ZDHHC14: variants seen among roughly 807,000 people sequenced by gnomAD.
ZDHHC14 encodes zDHHC palmitoyltransferase 14, also known as palmitoyltransferase ZDHHC14.
A neutral mutation model predicts 47.7 loss-of-function variants in ZDHHC14; 16 were observed. That is an observed-to-expected ratio of 0.34 (90% CI 0.23 to 0.51). ZDHHC14 has a LOEUF of 0.51. ZDHHC14 is among the 20% of genes least tolerant of loss of function. ZDHHC14 has a pLI of 0.97. For synonymous variants in ZDHHC14, 293 were observed against 278.9 expected (o/e 1.05, Z -0.50); for missense variants, 515 against 662.5 (o/e 0.78, Z 2.44).
chr6:157,550,610 C>T (rs1782191356), intron 2 of ZDHHC14, among the ~76,000 whole-genome samples: 1 of 152,242 alleles, frequency 6.6e-6, no homozygotes, highest in Non-Finnish European at 1.5e-5. Context: ...CATGGTGTCA[C>T]ACAGACACTC....
intron 7 of ZDHHC14, among the ~76,000 whole-genome samples, chr6:157,650,571 CTT>C (rs916202664): frequency 2.0e-5 from 3 of 151,954 alleles, no homozygotes; most frequent in African/African-American, 4.8e-5. Flanking sequence ...CCTTCAGACT[CTT>C]TTGATGACCT....
At chr6:157,660,232 G>A (rs1394566816) in intron 8 of ZDHHC14, among the ~76,000 whole-genome samples, 4 of 136,808 alleles carry the variant, frequency 2.9e-5, no homozygotes, top group Admixed American at 1.6e-4. Flanking sequence ...CACTCTTTTC[G>A]CCCAGGCTGG....
At chr6:157,466,863 A>T (rs1779230884) in intron 1 of ZDHHC14, among the ~76,000 whole-genome samples, 2 of 151,692 alleles carry the variant, frequency 1.3e-5, no homozygotes, top group African/African-American at 4.8e-5. Flanking sequence ...AAAAATTATT[A>T]TTTTTTTCTT....
At chr6:157,629,123 A>T (rs35164243) in intron 4 of ZDHHC14, among the ~76,000 whole-genome samples, 1 of 152,100 alleles carries the variant, frequency 6.6e-6, no homozygotes, top group East Asian at 1.9e-4. Flanking sequence ...TTGGAAATCA[A>T]TTATTTTAAT....
chr6:157,619,978 T>C (rs1785122152), intron 3 of ZDHHC14, among the ~76,000 whole-genome samples: 1 of 152,226 alleles, frequency 6.6e-6, no homozygotes, highest in Admixed American at 6.5e-5. Flanking sequence ...TGTTTCTTCA[T>C]ACAATTAAGC....
chr6:157,438,479 T>A (rs140216704), intron 1 of ZDHHC14, among the ~76,000 whole-genome samples: 2,124 of 152,282 alleles, frequency 0.014, 53 homozygotes, highest in African/African-American at 0.049. Context: ...CGTGCAGACA[T>A]CTCTAGTTTT....
intron 1 of ZDHHC14, among the ~76,000 whole-genome samples, chr6:157,492,281 A>C (rs947932961): frequency 7.6e-6 from 1 of 131,404 alleles, no homozygotes; most frequent in African/African-American, 2.9e-5. Flanking sequence ...CCTCCTCCCC[A>C]GCCTTGTCCT....
In ZDHHC14 at chr6:157,502,307, C is replaced by T. The variant is rs985300760; in HGVS notation, c.246-40278C>T. 3.9e-5 allele frequency among the ~76,000 whole-genome samples: 6 copies of T among 152,140 alleles called. No individual in the cohort carries two copies. The highest frequency in any genetic ancestry group is 1.2e-4 in the African/African-American group (5 of 41,436). On this transcript the variant is annotated intron_variant, in intron 1 of 8. Transcript: ENST00000359775. The surrounding 1 kb of genome is among the most constrained non-coding windows in gnomAD (Gnocchi z 4.0). ...GACCATTGCATGTAAGCAAGGACACCGTGACTGTATGTGAGCCAAAAGTGT... is the reference window on the plus strand; with the variant it reads ...GACCATTGCATGTAAGCAAGGACACTGTGACTGTATGTGAGCCAAAAGTGT...
At chr6:157,618,938 T>C (rs1785072708) in intron 3 of ZDHHC14, among the ~76,000 whole-genome samples, 1 of 152,170 alleles carries the variant, frequency 6.6e-6, no homozygotes, top group African/African-American at 2.4e-5. Context: ...AACCATCTTT[T>C]TTCACCTTCT....
At chr6:157,623,750 A>G (rs1785288937) in intron 3 of ZDHHC14, among the ~76,000 whole-genome samples, 1 of 151,958 alleles carries the variant, frequency 6.6e-6, no homozygotes, top group Admixed American at 6.6e-5. Context: ...GGGTTTCACC[A>G]TGTTGGCCAG....
intron 2 of ZDHHC14, among the ~76,000 whole-genome samples, chr6:157,560,651 T>G (rs1464399963): frequency 1.3e-5 from 2 of 152,148 alleles, no homozygotes; most frequent in African/African-American, 4.8e-5. Context: ...CCTTTATAAT[T>G]AGAAGAAAAA....
rs768971280 is a variant in ZDHHC14, at chr6:157,542,575, C to G, written c.246-10C>G. 6.2e-7 allele frequency: 1 copy of G among 1,613,678 alleles called. No individual in the cohort carries two copies. Among genetic ancestry groups the G allele is most frequent in the African/African-American group, 1.3e-5 (1 of 74,908 alleles). On this transcript the variant is annotated splice_polypyrimidine_tract_variant and intron_variant, in intron 1 of 8. Coordinates refer to ENST00000359775, the MANE Select transcript of ZDHHC14 (RefSeq NM_024630.3). ...TCCCCTTCTCTCCGGTCTGTCCAACCTGTCGGCAGCTGTCCGTACCTGGCG... is the reference window on the plus strand; with the variant it reads ...TCCCCTTCTCTCCGGTCTGTCCAACGTGTCGGCAGCTGTCCGTACCTGGCG...
intron 3 of ZDHHC14, among the ~76,000 whole-genome samples, chr6:157,602,216 A>AC (rs1784363165): frequency 7.5e-6 from 1 of 133,246 alleles, no homozygotes; most frequent in African/African-American, 3.0e-5. Flanking sequence ...AAAAAAAAAA[A>AC]TGCATTCAGG....
At chr6:157,574,069 G>T (rs1440314541) in intron 2 of ZDHHC14, among the ~76,000 whole-genome samples, 2 of 151,680 alleles carry the variant, frequency 1.3e-5, no homozygotes, top group Non-Finnish European at 2.9e-5. Context: ...AATGTGTTTG[G>T]CATGGACTAA....
At chr6:157,598,819 A>G (rs959317187) in intron 3 of ZDHHC14, among the ~76,000 whole-genome samples, 12 of 152,196 alleles carry the variant, frequency 7.9e-5, no homozygotes, top group African/African-American at 2.9e-4. Context: ...ACCATGTTCA[A>G]CCATTCATGG....
At chr6:157,515,761 G>C (rs765149830) in intron 1 of ZDHHC14, among the ~76,000 whole-genome samples, 1 of 151,874 alleles carries the variant, frequency 6.6e-6, no homozygotes, top group Non-Finnish European at 1.5e-5. Flanking sequence ...CACCGCGCCC[G>C]GCCCACCCTT....
chr6:157,603,458 G>A (rs1399157155), intron 3 of ZDHHC14, among the ~76,000 whole-genome samples: 1 of 152,170 alleles, frequency 6.6e-6, no homozygotes, highest in African/African-American at 2.4e-5. Context: ...GCCCATCTAG[G>A]AAAGAGGGAC....
intron 2 of ZDHHC14, among the ~76,000 whole-genome samples, chr6:157,563,830 C>A (rs967128679): frequency 6.6e-6 from 1 of 152,216 alleles, no homozygotes; most frequent in Non-Finnish European, 1.5e-5. Flanking sequence ...AGTTGCATTG[C>A]AGTTCTGGGA....
chr6:157,414,133 T>C (rs1777925820), intron 1 of ZDHHC14, among the ~76,000 whole-genome samples: 1 of 152,174 alleles, frequency 6.6e-6, no homozygotes, highest in Non-Finnish European at 1.5e-5. Flanking sequence ...AGTTTCACCA[T>C]GTTGGCCAGG....
Sources: gnomAD v4.1 joint callset for allele counts (sites outside exome capture counted in the v4.1 genomes callset) on GRCh38, gnomAD v4.1.1 for gene constraint, Gnocchi (gnomAD v3.1) non-coding constraint, MANE v1.5 for transcripts, NCBI Gene and HGNC (gene_info 2026-07-23, HGNC 2026-07-21) for gene names.